The following DHX38 variants were observed in gnomAD, a reference collection of about 807,000 sequenced individuals.
DHX38 encodes pre-mRNA-splicing factor ATP-dependent RNA helicase PRP16.
In DHX38, 100 loss-of-function variants were observed where a neutral mutation model predicts 153.1. The ratio of observed to expected loss-of-function variants is 0.65; its 90% CI spans 0.56 to 0.77. The LOEUF is 0.77. Ranked by LOEUF, DHX38 falls within the 30% of genes least tolerant of loss-of-function variation. DHX38 has a pLI of 0.00. For missense variants in DHX38, 1,440 were observed against 1,654.0 expected (o/e 0.87, Z 2.24); for synonymous variants, 650 against 631.7 (o/e 1.03, Z -0.43).
At chr16:72,103,251 G>T in intron 12 of DHX38, 40 bp downstream of exon 12, 1 of 1,600,364 alleles carries the variant, frequency 6.2e-7, no homozygotes, top group South Asian at 1.1e-5. Flanking sequence ...TGTCAAGTCA[G>T]GGGTGCCCTT....
At chr16:72,111,523 C>T (rs1338129271) in intron 26 of DHX38, among the ~76,000 whole-genome samples, 1 of 152,222 alleles carries the variant, frequency 6.6e-6, no homozygotes, top group Non-Finnish European at 1.5e-5. Context: ...TCCCCATGGA[C>T]CCCTGCAGGT....
At chr16:72,098,391 C>G (rs998661760) in intron 4 of DHX38, among the ~76,000 whole-genome samples, 8 of 152,060 alleles carry the variant, frequency 5.3e-5, no homozygotes, top group African/African-American at 1.9e-4. Flanking sequence ...CAAGATCACA[C>G]CACTGTACTC....
intron 26 of DHX38, 97 bp from the exon 27 acceptor site, chr16:72,112,316 G>T: frequency 8.1e-7 from 1 of 1,236,848 alleles, no homozygotes; most frequent in Non-Finnish European, 1.2e-6. Flanking sequence ...CCCCACCATG[G>T]GTTAGGAACA....
Position 72,109,438 on chromosome 16 carries a change from T to C in DHX38, c.3405T>C (p.Ala1135=). ...AGGAGTATATGCAGTGTGTGACCGC[T>C]GTGGACGGGGAGTGGCTGGCGGAGC... is the stretch of plus-strand genomic sequence containing the variant. ...TTKEYMQCVT[A]VDGEWLAELG... is the part of the protein sequence containing the mutation. Residue 1135 remains alanine (A), a synonymous_variant, in exon 25 of 27, where the codon GCT becomes GCC. Transcript: ENST00000268482. 1 of 1,613,434 alleles carries C rather than the reference T, an allele frequency of 6.2e-7. No individual in the cohort carries two copies. The highest frequency in any genetic ancestry group is 8.5e-7 in the Non-Finnish European group (1 of 1,179,780).
At chr16:72,096,690 TGC>T (rs780323060) in intron 2 of DHX38, 130 bp from the exon 3 acceptor site, 5 of 1,486,048 alleles carry the variant, frequency 3.4e-6, no homozygotes, top group Non-Finnish European at 4.5e-6. Flanking sequence ...CTTGGGTTGT[TGC>T]CATATGTGAG....
At chr16:72,108,963 C>T (rs370711096) in intron 24 of DHX38, 38 bp downstream of exon 24, 167 of 1,551,342 alleles carry the variant, frequency 1.1e-4, no homozygotes, top group Non-Finnish European at 1.4e-4. Context: ...ATGCAGGCCC[C>T]CTGTCTGGCC....
At chr16:72,105,788 A>T (rs1597446169) in intron 18 of DHX38, among the ~76,000 whole-genome samples, 164 bp downstream of exon 18, 1 of 152,096 alleles carries the variant, frequency 6.6e-6, no homozygotes, top group African/African-American at 2.4e-5. Flanking sequence ...TGGTTTGTTT[A>T]ACCCTTGTAA....
At chr16:72,096,044 A>C (rs1716263999) in intron 1 of DHX38, 95 bp from the exon 2 acceptor site, 1 of 1,270,624 alleles carries the variant, frequency 7.9e-7, no homozygotes, top group Non-Finnish European at 1.1e-6. Flanking sequence ...GAGATGGGGA[A>C]GGTTAATCAC....
chr16:72,106,145 T>C, intron 19 of DHX38, 28 bp downstream of exon 19: 1 of 1,609,088 alleles, frequency 6.2e-7, no homozygotes, highest in Non-Finnish European at 8.5e-7. Context: ...GCCTGCTTTC[T>C]GGGGCAGCGC....
Position 72,107,904 on chromosome 16 carries a change from G to A in DHX38, c.2964+105G>A. 1 of 1,441,990 alleles carries A rather than the reference G, an allele frequency of 6.9e-7. No homozygotes were observed. The highest frequency in any genetic ancestry group is 9.3e-7 in the Non-Finnish European group (1 of 1,077,262). 89.3% of individuals were successfully genotyped at this position (1,441,990 alleles called of 1,614,324 possible). On this transcript the variant is annotated intron_variant, in intron 21 of 26. Coordinates refer to ENST00000268482, the MANE Select transcript of DHX38 (RefSeq NM_014003.4). The surrounding 1 kb of genome is among the most constrained non-coding windows in gnomAD (Gnocchi z 5.3). ...TGAAATGGAACAGAGGGCAGAATCA[G>A]AGTTTCTGAAGAATGATTTTGCTGT... is the stretch of plus-strand genomic sequence containing the variant.
rs770722400 is a variant in DHX38 at position 72,107,562 on chromosome 16, G to A, written c.2809+14G>A. Reference sequence around the variant, plus strand: ...TGGACAACACAGGTGAGGCGGCCCCGGGAGCCTCATGGGTGCTGGCGCTTG... The same window carrying A: ...TGGACAACACAGGTGAGGCGGCCCCAGGAGCCTCATGGGTGCTGGCGCTTG... On this transcript the variant is annotated intron_variant, in intron 20 of 26. Coordinates refer to ENST00000268482, the MANE Select transcript of DHX38 (RefSeq NM_014003.4). The surrounding 1 kb of genome is among the most constrained non-coding windows in gnomAD (Gnocchi z 5.3). 147 of 1,610,370 alleles carry A rather than the reference G, an allele frequency of 9.1e-5. No individual in the cohort carries two copies. In the Admixed American group the frequency reaches 2.2e-3, roughly 24 times the overall value.
Position 72,104,429 on chromosome 16 carries a change from G to A in DHX38, c.2011-57G>A. On this transcript the variant is annotated intron_variant, in intron 14 of 26. Transcript: ENST00000268482. This position sits in a 1 kb window ranked among gnomAD's most constrained non-coding sequence, Gnocchi z 4.5. ...CTCGGGGGTGGTGCTGATGGGACTG[G>A]GGGACAGGAGCCAAGGGTCCCCACC... 1 of 1,603,280 alleles carries A rather than the reference G, an allele frequency of 6.2e-7. No homozygotes were observed. The highest frequency in any genetic ancestry group is 8.5e-7 in the Non-Finnish European group (1 of 1,177,408).
intron 24 of DHX38, among the ~76,000 whole-genome samples, chr16:72,109,185 T>C (rs2144176187): frequency 6.6e-6 from 1 of 152,306 alleles, no homozygotes; most frequent in South Asian, 2.1e-4. Context: ...CCCCTCTTGG[T>C]GTCATTAGAA....
Position 72,100,595 on chromosome 16 carries a change from C to T in DHX38, c.1276C>T (p.Gln426Ter). 5.0e-6 allele frequency: 8 copies of T among 1,613,670 alleles called. No individual in the cohort carries two copies. Among genetic ancestry groups the T allele is most frequent in the Non-Finnish European group, 6.8e-6 (8 of 1,179,844 alleles). The change falls in exon 9 of 27, where the codon CAG becomes TAG. Residue 426 changes from glutamine (Q) to a stop codon, truncating the protein, a stop_gained and splice_region_variant. Coordinates refer to ENST00000268482, the MANE Select transcript of DHX38 (RefSeq NM_014003.4). LOFTEE classifies it high-confidence loss of function. ...GGATGGGCGCATTGTCTTCACCAAGCAGGTGAGGCTCCTCTGTGGCCAGGG... is the reference window on the plus strand; with the variant it reads ...GGATGGGCGCATTGTCTTCACCAAGTAGGTGAGGCTCCTCTGTGGCCAGGG... ...FLDGRIVFTK[Q>*]PEPVIPVKDA...
chr16:72,103,882 AG>A (rs1170420767), intron 13 of DHX38, 63 bp from the exon 14 acceptor site: 4 of 1,604,648 alleles, frequency 2.5e-6, no homozygotes, highest in Non-Finnish European at 3.4e-6. Context: ...CTCGGACCCC[AG>A]TACGGGGTGT....
Position 72,102,410 on chromosome 16 carries a change from G to A in DHX38, c.1500-664G>A, listed in dbSNP as rs185437898. Among the ~76,000 whole-genome samples, 9 of 152,280 alleles carry A rather than the reference G, an allele frequency of 5.9e-5. 1 individual carries two copies. The highest frequency in any genetic ancestry group is 2.2e-4 in the African/African-American group (9 of 41,562). On this transcript the variant is annotated intron_variant, in intron 11 of 26. Coordinates refer to ENST00000268482, the MANE Select transcript of DHX38 (RefSeq NM_014003.4). Reference sequence around the variant, plus strand: ...AGGAAGTCTCTGGGGAGGGGGTTGGGGAGGGGTGTGTGGACTGTGTGGAGC... The same window carrying A: ...AGGAAGTCTCTGGGGAGGGGGTTGGAGAGGGGTGTGTGGACTGTGTGGAGC...
chr16:72,107,857 G>T lies in DHX38; in HGVS notation c.2964+58G>T. On this transcript the variant is annotated intron_variant, in intron 21 of 26. Coordinates refer to ENST00000268482, the MANE Select transcript of DHX38 (RefSeq NM_014003.4). This position sits in a 1 kb window ranked among gnomAD's most constrained non-coding sequence, Gnocchi z 5.3. ...GGGCTCGAGGAAGTGTTGGGGAGGG[G>T]AATGGCTTCTCTCTGTATTACTGAA... 4 of 1,583,940 alleles carry T rather than the reference G, an allele frequency of 2.5e-6. No homozygotes were observed. The highest frequency in any genetic ancestry group is 3.4e-6 in the Non-Finnish European group (4 of 1,165,594).
chr16:72,112,228 T>C, intron 26 of DHX38, 185 bp from the exon 27 acceptor site: 2 of 614,706 alleles, frequency 3.3e-6, no homozygotes, highest in Non-Finnish European at 5.8e-6. Flanking sequence ...TGAGCTTCCT[T>C]GATTACATCG....
rs775623814 is a variant in DHX38, at chr16:72,108,793, T to G, written c.3256-7T>G. 2 of 1,611,734 alleles carry G rather than the reference T, an allele frequency of 1.2e-6. No individual in the cohort carries two copies. The highest frequency in any genetic ancestry group is 1.7e-6 in the Non-Finnish European group (2 of 1,178,916). ...TGATGTGGCTGCCTGTTGTGTCTCCTCCCTAGGGAATCGGGGAGTACGTGA... is the reference window on the plus strand; with the variant it reads ...TGATGTGGCTGCCTGTTGTGTCTCCGCCCTAGGGAATCGGGGAGTACGTGA... On this transcript the variant is annotated splice_polypyrimidine_tract_variant and splice_region_variant and intron_variant, in intron 23 of 26. Coordinates refer to ENST00000268482, the MANE Select transcript of DHX38 (RefSeq NM_014003.4).
Sources: gnomAD v4.1 joint callset for allele counts (sites outside exome capture counted in the v4.1 genomes callset) on GRCh38, gnomAD v4.1.1 for gene constraint, Gnocchi (gnomAD v3.1) non-coding constraint, MANE v1.5 for transcripts, NCBI Gene and HGNC (gene_info 2026-07-23, HGNC 2026-07-21) for gene names.